Variants in GOLGA3 observed in about 807,000 individuals in gnomAD.
The protein encoded by GOLGA3 is golgin subfamily A member 3.
A neutral mutation model predicts 169.4 loss-of-function variants in GOLGA3; 75 were observed. The observed-to-expected ratio is 0.44, with a 90% CI of 0.37 to 0.54. The LOEUF (loss-of-function observed/expected upper bound fraction) is 0.54. Among genes scored for constraint, GOLGA3 ranks in the 20% least tolerant of loss-of-function variants. The pLI is 0.00. For synonymous variants in GOLGA3, 824 were observed against 822.4 expected (o/e 1.00, Z -0.03); for missense variants, 1,899 against 1,930.0 (o/e 0.98, Z 0.30).
intron 13 of GOLGA3, among the ~76,000 whole-genome samples, chr12:132,787,567 TGAGA>T (rs2045966182): frequency 5.0e-5 from 1 of 20,170 alleles, no homozygotes; most frequent in Non-Finnish European, 1.2e-4. Flanking sequence ...GGACCCTTCC[TGAGA>T]CCCCGGGACC....
intron 3 of GOLGA3, among the ~76,000 whole-genome samples, chr12:132,813,773 G>A (rs1949827764): frequency 6.8e-6 from 1 of 147,670 alleles, no homozygotes; most frequent in Non-Finnish European, 1.5e-5. Flanking sequence ...CGCCCAGAAT[G>A]GAGTGCAGTG....
intron 3 of GOLGA3, among the ~76,000 whole-genome samples, chr12:132,813,763 C>T (rs1477487931): frequency 3.5e-5 from 5 of 144,176 alleles, no homozygotes; most frequent in Non-Finnish European, 6.0e-5. Context: ...CTCACTCTGT[C>T]GCCCAGAATG....
chr12:132,819,575 A>C (rs1381433275), intron 2 of GOLGA3, among the ~76,000 whole-genome samples: 1 of 152,266 alleles, frequency 6.6e-6, no homozygotes, highest in African/African-American at 2.4e-5. Context: ...GTTCAAACTA[A>C]CAGCAGATAC....
chr12:132,821,853 CAAAAAA>C (rs11301977), intron 2 of GOLGA3, 137 bp downstream of exon 2: 133 of 393,378 alleles, frequency 3.4e-4, no homozygotes, highest in Non-Finnish European at 4.1e-4. Context: ...GACTCCGTCT[CAAAAAA>C]AAAAAAAAAA....
chr12:132,770,281 A>C lies in GOLGA3; in HGVS notation c.*2824T>G, dbSNP rs2044841924. The C allele has an allele frequency of 6.6e-6, 1 of 151,184 alleles. No individual in the cohort carries two copies. The highest frequency in any genetic ancestry group is 6.6e-5 in the Admixed American group (1 of 15,232). 9.4% of individuals were successfully genotyped at this position (151,184 alleles called of 1,614,324 possible). On this transcript the variant is annotated 3_prime_UTR_variant, in exon 24 of 24. Coordinates refer to ENST00000450791, the MANE Select transcript of GOLGA3 (RefSeq NM_001389683.1). ...ACTTCCTCTTTTAGGCGTCTTCTTA[A>C]GGAAGGAAGTGTCCGCGTGAACACG...
Position 132,782,456 on chromosome 12 carries a change from C to A in GOLGA3, c.3305G>T (p.Arg1102Leu). The A allele has an allele frequency of 5.0e-6, 8 of 1,614,084 alleles. No individual in the cohort carries two copies. Among genetic ancestry groups the A allele is most frequent in the Non-Finnish European group, 6.8e-6 (8 of 1,179,926 alleles). ...ESRGFRKKIK[R>L]LEESNKKLAL... ...CAACTTCTTGTTTGACTCCTCAAGG[C>A]GTTTTATCTTCTTCCTAAAGCCTCT... The change falls in exon 17 of 24, where the codon CGC (arginine) becomes CTC (leucine). Residue 1102 changes from arginine to leucine, a missense_variant. Physicochemically the swap from Arg to Leu is moderately radical, Grantham distance 102. Coordinates refer to ENST00000450791, the MANE Select transcript of GOLGA3 (RefSeq NM_001389683.1).
At chr12:132,776,839 T>G in intron 20 of GOLGA3, 83 bp from the exon 21 acceptor site, 1 of 1,570,438 alleles carries the variant, frequency 6.4e-7, no homozygotes, top group South Asian at 1.2e-5. Flanking sequence ...GTGTTTTGGT[T>G]TATCTTTTAA....
intron 21 of GOLGA3, among the ~76,000 whole-genome samples, chr12:132,775,665 C>T (rs933690580): frequency 3.3e-5 from 5 of 152,190 alleles, no homozygotes; most frequent in Admixed American, 3.3e-4. Flanking sequence ...CCAACCACAG[C>T]TCACTGCCTA....
At chr12:132,774,719 A>G in intron 22 of GOLGA3, 1 of 420,628 alleles carries the variant, frequency 2.4e-6, no homozygotes, top group South Asian at 3.9e-5. Context: ...TTTTCCACAG[A>G]TAAGCACACG....
At chr12:132,779,539 A>G (rs1391862989) in intron 18 of GOLGA3, among the ~76,000 whole-genome samples, 1 of 152,264 alleles carries the variant, frequency 6.6e-6, no homozygotes, top group Non-Finnish European at 1.5e-5. Context: ...AAGCAGCTTC[A>G]CTGTTAGGCC....
chr12:132,807,326 T>A (rs952043987), intron 5 of GOLGA3, 38 bp from the exon 6 acceptor site: 1 of 1,152,128 alleles, frequency 8.7e-7, no homozygotes, highest in African/African-American at 1.5e-5. Context: ...GTGCGAGCCA[T>A]CCTCATTTTC....
rs1387731464 is a variant in GOLGA3, at chr12:132,770,624, A to G, written c.*2481T>C. 6.6e-6 allele frequency: 1 copy of G among 152,204 alleles called. No individual in the cohort carries two copies. The highest frequency in any genetic ancestry group is 1.5e-5 in the Non-Finnish European group (1 of 68,042). 9.4% of individuals were successfully genotyped at this position (152,204 alleles called of 1,614,324 possible). A position where few individuals can be genotyped will look rare whatever the true frequency, so the allele number is the denominator to read the frequency against. ...ACTGAATGTGTGATTTCTCGATTTTAGATTTTTTAAAATCATTTATTTATT... is the reference window on the plus strand; with the variant it reads ...ACTGAATGTGTGATTTCTCGATTTTGGATTTTTTAAAATCATTTATTTATT... On this transcript the variant is annotated 3_prime_UTR_variant, in exon 24 of 24. Coordinates refer to ENST00000450791, the MANE Select transcript of GOLGA3 (RefSeq NM_001389683.1).
chr12:132,787,169 G>C (rs1176622053), intron 13 of GOLGA3, among the ~76,000 whole-genome samples: 1 of 152,058 alleles, frequency 6.6e-6, no homozygotes, highest in African/African-American at 2.4e-5. Flanking sequence ...GGTCAGGCTA[G>C]TCTTGAACTC....
At chr12:132,784,781 C>G (rs1262381817) in intron 15 of GOLGA3, among the ~76,000 whole-genome samples, 1 of 133,548 alleles carries the variant, frequency 7.5e-6, no homozygotes, top group African/African-American at 2.9e-5. Context: ...CCACACCACA[C>G]ATGCACATGT....
intron 12 of GOLGA3, among the ~76,000 whole-genome samples, chr12:132,790,904 A>G (rs531009374): frequency 6.6e-6 from 1 of 151,380 alleles, no homozygotes; most frequent in South Asian, 2.1e-4. Flanking sequence ...ACAAAAAATT[A>G]GCCGGACGTG....
intron 12 of GOLGA3, among the ~76,000 whole-genome samples, chr12:132,790,264 G>A (rs1231908587): frequency 6.6e-6 from 1 of 152,052 alleles, no homozygotes; most frequent in Non-Finnish European, 1.5e-5. Flanking sequence ...AACCTGGGAG[G>A]CGGAGCTTGC....
intron 12 of GOLGA3, among the ~76,000 whole-genome samples, chr12:132,790,309 G>A (rs1184565384): frequency 6.6e-6 from 1 of 152,158 alleles, no homozygotes; most frequent in Non-Finnish European, 1.5e-5. Context: ...CCTCCAGCCT[G>A]GGGTACAGAG....
At chr12:132,795,822 T>C (rs1948799702) in intron 11 of GOLGA3, 30 bp downstream of exon 11, 1 of 1,594,508 alleles carries the variant, frequency 6.3e-7, no homozygotes, top group East Asian at 2.2e-5. Flanking sequence ...AGGGTTCTGA[T>C]TCAAAACAAA....
rs79082946 is a variant in GOLGA3, at chr12:132,816,710, G to A, written c.236C>T (p.Pro79Leu). 122 of 1,613,986 alleles carry A rather than the reference G, an allele frequency of 7.6e-5. No homozygotes were observed. The highest frequency in any genetic ancestry group is 9.7e-5 in the Non-Finnish European group (114 of 1,180,002). The change falls in exon 3 of 24, where the codon CCG becomes CTG. Residue 79 changes from proline to leucine, a missense_variant. By Grantham distance (98) the Pro-to-Leu change is moderately conservative. Coordinates refer to ENST00000450791, the MANE Select transcript of GOLGA3 (RefSeq NM_001389683.1). ...GCTTGTGGTGGGATCGAGAGACGACGGAGGGTCTGGGAAGGGTGGCGTTGG... is the reference window on the plus strand; with the variant it reads ...GCTTGTGGTGGGATCGAGAGACGACAGAGGGTCTGGGAAGGGTGGCGTTGG... ...NGPTPPFPDP[P>L]SSLDPTTSPV...
Sources: allele counts gnomAD v4.1 joint callset (sites outside exome capture counted in the v4.1 genomes callset), GRCh38; gene constraint gnomAD v4.1.1; transcripts MANE v1.5; gene names NCBI Gene and HGNC (gene_info 2026-07-23, HGNC 2026-07-21).